The following SMYD3 variants were observed in gnomAD, a reference collection of about 807,000 sequenced individuals.
SMYD3 encodes the protein histone-lysine N-methyltransferase SMYD3.
A neutral mutation model predicts 57.7 loss-of-function variants in SMYD3; 36 were observed. That is an observed-to-expected ratio of 0.62 (90% confidence interval 0.48 to 0.82). SMYD3 has a LOEUF of 0.82. SMYD3 is among the 40% of genes least tolerant of loss of function. SMYD3 has a pLI of 0.00. For synonymous variants in SMYD3, 211 were observed against 195.0 expected (o/e 1.08, Z -0.68); for missense variants, 515 against 538.8 (o/e 0.96, Z 0.44).
chr1:245,928,348 C>A (rs571934762), intron 6 of SMYD3, among the ~76,000 whole-genome samples: 40 of 152,098 alleles, frequency 2.6e-4, no homozygotes, highest in African/African-American at 9.4e-4. Context: ...CAACCCAACA[C>A]GAAGGTCAGA....
chr1:246,003,358 A>AC (rs2059113713), intron 5 of SMYD3, among the ~76,000 whole-genome samples: 1 of 152,198 alleles, frequency 6.6e-6, no homozygotes, highest in Non-Finnish European at 1.5e-5. Context: ...ACTTATCATG[A>AC]CCTAATCAAA....
chr1:246,421,296 A>G (rs1478754565), intron 1 of SMYD3, among the ~76,000 whole-genome samples: 2 of 152,210 alleles, frequency 1.3e-5, no homozygotes, highest in Non-Finnish European at 2.9e-5. Flanking sequence ...TAGCTTGACA[A>G]GATCCTTTTA....
At chr1:246,471,906 C>T (rs2067966029) in intron 1 of SMYD3, among the ~76,000 whole-genome samples, 1 of 151,980 alleles carries the variant, frequency 6.6e-6, no homozygotes, top group Non-Finnish European at 1.5e-5. Flanking sequence ...GAAGCACAAC[C>T]CAAATATAGA....
intron 5 of SMYD3, among the ~76,000 whole-genome samples, chr1:246,194,321 G>A (rs1409362312): frequency 6.6e-6 from 1 of 151,186 alleles, no homozygotes; most frequent in Non-Finnish European, 1.5e-5. Context: ...AGGCTGGAGT[G>A]CAGTAGTGCG....
intron 5 of SMYD3, among the ~76,000 whole-genome samples, chr1:246,079,010 T>A (rs114287915): frequency 1.4e-3 from 216 of 151,888 alleles, no homozygotes; most frequent in African/African-American, 5.0e-3. Flanking sequence ...CCTTCTCTCA[T>A]CATTCTTTTT....
At chr1:246,142,041 C>T (rs2061765874) in intron 5 of SMYD3, among the ~76,000 whole-genome samples, 1 of 152,184 alleles carries the variant, frequency 6.6e-6, no homozygotes, top group Admixed American at 6.5e-5. Context: ...GGCCTTGAAC[C>T]TCAGTATACC....
At chr1:245,895,779 A>C (rs1335694443) in intron 8 of SMYD3, among the ~76,000 whole-genome samples, 1 of 152,254 alleles carries the variant, frequency 6.6e-6, no homozygotes, top group African/African-American at 2.4e-5. Flanking sequence ...CAGCACCAGC[A>C]CAAAGTCATT....
Position 246,404,082 on chromosome 1 carries a change from A to G in SMYD3, c.165-48988T>C, listed in dbSNP as rs193190382. Among the ~76,000 whole-genome samples, 29 of 152,362 alleles carry G rather than the reference A, an allele frequency of 1.9e-4. No homozygotes were observed. In the East Asian group the frequency reaches 3.7e-3, roughly 19 times the overall value. On this transcript the variant is annotated intron_variant, in intron 1 of 11. Coordinates refer to ENST00000490107, the MANE Select transcript of SMYD3 (RefSeq NM_001167740.2). ...TTTAAAATAAATAAAGCCAGCCAGCATATCACCCTTCATTGACCTATCTTA... is the reference window on the plus strand; with the variant it reads ...TTTAAAATAAATAAAGCCAGCCAGCGTATCACCCTTCATTGACCTATCTTA...
At chr1:245,856,839 G>C (rs192625413) in intron 10 of SMYD3, among the ~76,000 whole-genome samples, 4 of 152,174 alleles carry the variant, frequency 2.6e-5, no homozygotes, top group African/African-American at 4.8e-5. Context: ...CCTGGAGAAA[G>C]AAGGGTATTT....
At chr1:246,106,423 C>T (rs527314601) in intron 5 of SMYD3, among the ~76,000 whole-genome samples, 1 of 152,198 alleles carries the variant, frequency 6.6e-6, no homozygotes, top group African/African-American at 2.4e-5. Flanking sequence ...TCTGAACTTA[C>T]CCATTTCTCA....
chr1:246,313,959 T>C (rs145132092), intron 5 of SMYD3, among the ~76,000 whole-genome samples: 12 of 152,278 alleles, frequency 7.9e-5, no homozygotes, highest in African/African-American at 2.6e-4. Context: ...TACTAAAAGA[T>C]TGTAGAATGC....
intron 5 of SMYD3, among the ~76,000 whole-genome samples, chr1:246,039,295 TAC>T (rs1449404176): frequency 2.6e-5 from 4 of 152,250 alleles, no homozygotes; most frequent in Non-Finnish European, 5.9e-5. Context: ...CATCCCCATA[TAC>T]ATGCATATTG....
chr1:246,349,285 T>A (rs989232864), intron 2 of SMYD3, among the ~76,000 whole-genome samples: 1 of 152,224 alleles, frequency 6.6e-6, no homozygotes. Context: ...TGTATGTTTA[T>A]GTATAAGCTA....
At chr1:246,314,933 C>T (rs76497743) in intron 5 of SMYD3, among the ~76,000 whole-genome samples, 2,701 of 152,332 alleles carry the variant, frequency 0.018, 79 homozygotes, top group Admixed American at 0.084. Flanking sequence ...AATTTAACTT[C>T]TGTTTGCTGT....
intron 2 of SMYD3, among the ~76,000 whole-genome samples, chr1:246,345,146 T>C (rs563213881): frequency 2.0e-5 from 3 of 152,350 alleles, no homozygotes; most frequent in Non-Finnish European, 4.4e-5. Flanking sequence ...GGAAATTTTA[T>C]GTACCCCATA....
At chr1:246,216,869 C>T (rs758175122) in intron 5 of SMYD3, among the ~76,000 whole-genome samples, 6 of 152,078 alleles carry the variant, frequency 3.9e-5, no homozygotes, top group Admixed American at 1.3e-4. Context: ...TTCCCCTTGA[C>T]GGAGACGTGG....
intron 5 of SMYD3, among the ~76,000 whole-genome samples, chr1:246,318,777 G>T (rs1451114320): frequency 6.6e-6 from 1 of 152,178 alleles, no homozygotes; most frequent in Non-Finnish European, 1.5e-5. Flanking sequence ...CAAAGCATTA[G>T]CCTTACATAA....
chr1:246,349,938 T>A (rs918748673), intron 2 of SMYD3, among the ~76,000 whole-genome samples: 1 of 152,188 alleles, frequency 6.6e-6, no homozygotes, highest in Non-Finnish European at 1.5e-5. Flanking sequence ...ATAATCACTT[T>A]GAATATCAAT....
At chr1:246,185,996 G>C (rs1330353977) in intron 5 of SMYD3, among the ~76,000 whole-genome samples, 2 of 152,056 alleles carry the variant, frequency 1.3e-5, no homozygotes, top group Non-Finnish European at 2.9e-5. Flanking sequence ...TAGAATCACA[G>C]ACTAGAGGTT....
Sources: gnomAD v4.1 joint callset for allele counts (sites outside exome capture counted in the v4.1 genomes callset) on GRCh38, gnomAD v4.1.1 for gene constraint, MANE v1.5 for transcripts, NCBI Gene and HGNC (gene_info 2026-07-23, HGNC 2026-07-21) for gene names.